Variants in EPB41L4A observed in about 807,000 individuals in gnomAD.
EPB41L4A encodes band 4.1-like protein 4A.
EPB41L4A carries 100 observed loss-of-function variants against 108.6 expected under a neutral mutation model. The ratio of observed to expected loss-of-function variants is 0.92; its 90% CI spans 0.78 to 1.09. The LOEUF (loss-of-function observed/expected upper bound fraction) is 1.09, where lower values mean the gene tolerates loss of function less well. Ranked by LOEUF, EPB41L4A falls within the 50% of genes least tolerant of loss-of-function variation. EPB41L4A has a pLI of 0.00. For synonymous variants in EPB41L4A, 319 were observed against 289.0 expected (o/e 1.10, Z -1.05); for missense variants, 1,030 against 842.7 (o/e 1.22, Z -2.75).
intron 12 of EPB41L4A, among the ~76,000 whole-genome samples, chr5:112,155,429 G>C (rs1296434455): frequency 6.6e-6 from 1 of 151,582 alleles, no homozygotes; most frequent in African/African-American, 2.4e-5. Context: ...TTAGTAATAT[G>C]ACAGCATCAT....
intron 14 of EPB41L4A, 94 bp downstream of exon 14, chr5:112,205,327 C>A: frequency 9.5e-7 from 1 of 1,055,330 alleles, no homozygotes; most frequent in East Asian, 2.4e-5. Flanking sequence ...TAGCTGTGAT[C>A]AGCCACCCAG....
intron 9 of EPB41L4A, 36 bp downstream of exon 9, chr5:112,259,193 C>G (rs556781422): frequency 6.8e-7 from 1 of 1,479,112 alleles, no homozygotes; most frequent in East Asian, 2.3e-5. Context: ...ACAAGACACC[C>G]CTCTTCTAAT....
At chr5:112,290,619 T>C (rs191917872) in intron 2 of EPB41L4A, among the ~76,000 whole-genome samples, 13 of 152,284 alleles carry the variant, frequency 8.5e-5, no homozygotes, top group Non-Finnish European at 2.9e-5. Flanking sequence ...ATTTTTAAAA[T>C]GTGGATAAGT....
At chr5:112,334,835 G>C (rs567325018) in intron 1 of EPB41L4A, among the ~76,000 whole-genome samples, 1 of 152,168 alleles carries the variant, frequency 6.6e-6, no homozygotes, top group African/African-American at 2.4e-5. Context: ...AACTGATTGA[G>C]ACCTATCTGA....
At chr5:112,254,585 C>T (rs1461049417) in intron 9 of EPB41L4A, among the ~76,000 whole-genome samples, 1 of 152,136 alleles carries the variant, frequency 6.6e-6, no homozygotes, top group Non-Finnish European at 1.5e-5. Flanking sequence ...AGAGGCCCTC[C>T]CCTAAGAAGA....
chr5:112,160,262 TCA>T (rs1266686211), downstream of EPB41L4A, among the ~76,000 whole-genome samples: 3 of 152,128 alleles, frequency 2.0e-5, no homozygotes, highest in Admixed American at 6.5e-5. Context: ...CACTCATGGC[TCA>T]CACTGTTTCC....
At chr5:112,314,534 A>AAAAG (rs1755291194) in intron 1 of EPB41L4A, among the ~76,000 whole-genome samples, 2 of 133,910 alleles carry the variant, frequency 1.5e-5, no homozygotes, top group African/African-American at 6.3e-5. Flanking sequence ...AAAAAAAAAA[A>AAAAG]AAAAGAAAAG....
intron 9 of EPB41L4A, among the ~76,000 whole-genome samples, chr5:112,242,699 G>A (rs1580511037): frequency 6.6e-6 from 1 of 152,288 alleles, no homozygotes; most frequent in East Asian, 1.9e-4. Context: ...CGCATCTATA[G>A]TTTGTAGAAA....
chr5:112,157,759 G>A (rs1759702012), downstream of EPB41L4A, among the ~76,000 whole-genome samples: 1 of 152,178 alleles, frequency 6.6e-6, no homozygotes, highest in Non-Finnish European at 1.5e-5. Flanking sequence ...CTTCTGCTAT[G>A]TAATGCACCA....
intron 17 of EPB41L4A, among the ~76,000 whole-genome samples, chr5:112,192,684 C>G (rs1366144): frequency 0.63 from 96,523 of 152,012 alleles, 31,358 homozygotes; most frequent in East Asian, 0.99. Flanking sequence ...GCAACCAGAT[C>G]AGTATGAGCA....
In EPB41L4A at chr5:112,334,419, T is replaced by A. The variant is rs116511357; in HGVS notation, c.100-26929A>T. Among the ~76,000 whole-genome samples, 1,111 of 152,276 alleles carry A rather than the reference T, an allele frequency of 7.3e-3. 9 individuals are homozygous for A. Among genetic ancestry groups the A allele is most frequent in the African/African-American group, 0.026 (1,063 of 41,536 alleles). On this transcript the variant is annotated intron_variant, in intron 1 of 22. Coordinates refer to ENST00000261486, the MANE Select transcript of EPB41L4A (RefSeq NM_022140.5). ...GTCTAGCACCTTTTATATATCTCAA[T>A]AGGAAATATTTGCCATCTATTGCCT... is the stretch of plus-strand genomic sequence containing the variant.
rs549861001 is a variant in EPB41L4A at position 112,253,003 on chromosome 5, C to T, written c.795+6226G>A. Among the ~76,000 whole-genome samples the T allele has an allele frequency of 2.0e-4, 30 of 152,204 alleles. No individual in the cohort carries two copies. The South Asian group carries it at 4.8e-3, about 24-fold the overall frequency. On this transcript the variant is annotated intron_variant, in intron 9 of 22. Transcript: ENST00000261486. ...TCATAAATGTGGAGGGAGTACAGAG[C>T]TAGAAAAATCAGCGTTTTGCAACCA... is the stretch of plus-strand genomic sequence containing the variant.
At chr5:112,194,006 C>T (rs1468804762) in intron 17 of EPB41L4A, among the ~76,000 whole-genome samples, 2 of 152,156 alleles carry the variant, frequency 1.3e-5, no homozygotes, top group Non-Finnish European at 2.9e-5. Flanking sequence ...CTAGGGATAA[C>T]TGATTAATGC....
rs548231362 is a variant in EPB41L4A at position 112,370,681 on chromosome 5, G to A, written c.99+48260C>T. ...TGTATTCCCAGCACTTTGGGAGGCT[G>A]AGGCGGGCAGATCACCTGAGGTCAG... On this transcript the variant is annotated intron_variant, in intron 1 of 22. Coordinates refer to ENST00000261486, the MANE Select transcript of EPB41L4A (RefSeq NM_022140.5). 2.2e-4 allele frequency among the ~76,000 whole-genome samples: 33 copies of A among 152,348 alleles called. 1 individual carries two copies. The highest frequency in any genetic ancestry group is 1.8e-3 in the Admixed American group (28 of 15,302).
At chr5:112,331,487 G>T (rs1376051711) in intron 1 of EPB41L4A, among the ~76,000 whole-genome samples, 2 of 152,196 alleles carry the variant, frequency 1.3e-5, no homozygotes, top group Non-Finnish European at 2.9e-5. Flanking sequence ...GTTCCCTGGG[G>T]TATCAGAGGG....
intron 1 of EPB41L4A, among the ~76,000 whole-genome samples, chr5:112,314,357 T>C (rs1755267554): frequency 6.6e-6 from 1 of 151,626 alleles, no homozygotes; most frequent in African/African-American, 2.4e-5. Flanking sequence ...CTTCTTTCAA[T>C]ACTTTGCAAA....
At chr5:112,183,427 C>T (rs1312424103) in intron 18 of EPB41L4A, 1 of 152,816 alleles carries the variant, frequency 6.5e-6, no homozygotes, top group Non-Finnish European at 1.5e-5. Context: ...CTTGATAATG[C>T]ACAGATTTAA....
intron 1 of EPB41L4A, among the ~76,000 whole-genome samples, chr5:112,352,821 G>T (rs1356706499): frequency 6.6e-6 from 1 of 152,134 alleles, no homozygotes; most frequent in Non-Finnish European, 1.5e-5. Context: ...GCATTTCATA[G>T]ATTTTCATAG....
intron 13 of EPB41L4A, chr5:112,207,095 G>C (rs1762510593): frequency 6.6e-6 from 1 of 152,144 alleles, no homozygotes; most frequent in Non-Finnish European, 1.5e-5. Flanking sequence ...CTGACAAAAA[G>C]ACCAATGCAA....
Sources: allele counts gnomAD v4.1 joint callset (sites outside exome capture counted in the v4.1 genomes callset), GRCh38; gene constraint gnomAD v4.1.1; transcripts MANE v1.5; gene names NCBI Gene and HGNC (gene_info 2026-07-23, HGNC 2026-07-21).